Variants in TMED1 observed in about 807,000 individuals in gnomAD.
TMED1 encodes the protein transmembrane p24 trafficking protein 1.
TMED1 carries 20 observed loss-of-function variants against 21.2 expected under a neutral mutation model. That is an observed-to-expected ratio of 0.95 (90% CI 0.67 to 1.37). The LOEUF (loss-of-function observed/expected upper bound fraction) is 1.37. Among genes scored for constraint, TMED1 ranks in the 40% most tolerant of loss-of-function variants. TMED1 has a pLI of 0.00. For synonymous variants in TMED1, 149 were observed against 134.7 expected (o/e 1.11, Z -0.74); for missense variants, 316 against 309.8 (o/e 1.02, Z -0.15).
chr19:10,833,029 C>G lies in TMED1; in HGVS notation c.650G>C (p.Arg217Pro), dbSNP rs1224916773. Reference protein sequence around the residue: ...VAVLQVCTLKRFFQDKRPVPT With the variant: ...VAVLQVCTLKPFFQDKRPVPT ...CACCGGGCGCTTGTCCTGGAAGAAG[C>G]GCTTGAGCGTGCAGACCTGCAGCAC... Residue 217 changes from arginine to proline, a missense_variant, in exon 4 of 4, where the codon CGC (arginine) becomes CCC (proline). By Grantham distance (103) the Arg-to-Pro change is moderately radical. Coordinates refer to ENST00000214869, the MANE Select transcript of TMED1 (RefSeq NM_006858.4). 1.2e-6 allele frequency: 2 copies of G among 1,613,492 alleles called. No individual in the cohort carries two copies. The highest frequency in any genetic ancestry group is 1.3e-5 in the African/African-American group (1 of 74,942).
At chr19:10,835,975 G>A (rs1347017772) in intron 1 of TMED1, 34 bp downstream of exon 1, 3 of 1,544,474 alleles carry the variant, frequency 1.9e-6, no homozygotes, top group Non-Finnish European at 2.6e-6. Context: ...CCCTCTCCCT[G>A]ACTCTGCTGG....
At chr19:10,835,392 G>T (rs761402494) in intron 1 of TMED1, 39 bp from the exon 2 acceptor site, 3 of 1,610,384 alleles carry the variant, frequency 1.9e-6, no homozygotes, top group Non-Finnish European at 2.5e-6. Context: ...GCTAGCGGTA[G>T]GCCAAGGGCG....
chr19:10,836,007 AC>A lies in TMED1; in HGVS notation c.183+1del, dbSNP rs1162361052. On this transcript the variant is annotated splice_donor_variant, in intron 1 of 3. Transcript: ENST00000214869. LOFTEE classifies it high-confidence loss of function. The stretch of plus-strand genomic sequence containing the variant: ...CTGGCCGCCCAGCCCGCGACCCTCT[AC>A]CTGGTATTCGGTCTCGAGGCTTGCG... 5 of 1,586,568 alleles carry A rather than the reference AC, an allele frequency of 3.2e-6. No homozygotes were observed. Among genetic ancestry groups the A allele is most frequent in the Non-Finnish European group, 4.3e-6 (5 of 1,167,576 alleles).
rs1384390351 is a variant in TMED1 at position 10,832,722 on chromosome 19, G to A, written c.*273C>T. ...GGCTAAGGCACATTTACAGTAGAGGGGCCAGGAAATCCGAGGCTCACGTTC... is the reference window on the plus strand; with the variant it reads ...GGCTAAGGCACATTTACAGTAGAGGAGCCAGGAAATCCGAGGCTCACGTTC... On this transcript the variant is annotated 3_prime_UTR_variant, in exon 4 of 4. Transcript: ENST00000214869. 1 of 596,434 alleles carries A rather than the reference G, an allele frequency of 1.7e-6. No individual in the cohort carries two copies. Among genetic ancestry groups the A allele is most frequent in the Admixed American group, 3.0e-5 (1 of 33,730 alleles). The allele number at this position is 596,434 out of a possible 1,614,324, so 36.9% of individuals were successfully genotyped here. A position where few individuals can be genotyped will look rare whatever the true frequency, so the allele number is the denominator to read the frequency against.
chr19:10,834,900 T>G, intron 3 of TMED1, 34 bp downstream of exon 3: 1 of 1,600,504 alleles, frequency 6.2e-7, no homozygotes, highest in South Asian at 1.1e-5. Context: ...CCTAGAGATC[T>G]GGAAGGAGTG....
chr19:10,832,422 A>T lies in TMED1; in HGVS notation c.*573T>A, dbSNP rs576337322. On this transcript the variant is annotated 3_prime_UTR_variant, in exon 4 of 4. Coordinates refer to ENST00000214869, the MANE Select transcript of TMED1 (RefSeq NM_006858.4). ...GTCCTGGCTGGTGTCCCTGAGCCCC[A>T]ATCAGCAGGCTCTTGTGATTTTCTG... is the stretch of plus-strand genomic sequence containing the variant. 14 of 1,164,682 alleles carry T rather than the reference A, an allele frequency of 1.2e-5. No homozygotes were observed. The East Asian group carries it at 7.5e-4, about 62-fold the overall frequency. The allele number at this position is 1,164,682 out of a possible 1,614,324, so 72.1% of individuals were successfully genotyped here. A position where few individuals can be genotyped will look rare whatever the true frequency, so the allele number is the denominator to read the frequency against.
At chr19:10,835,688 T>G in intron 1 of TMED1, 1 of 1,396,386 alleles carries the variant, frequency 7.2e-7, no homozygotes, top group Non-Finnish European at 9.3e-7. Context: ...AAGGCCTGTG[T>G]GGGCAACGCC....
At position 10,833,229 on chromosome 19, in the gene TMED1, AGG is replaced by A; in HGVS notation, c.466-18_466-17del. 1 of 1,591,804 alleles carries A rather than the reference AGG, an allele frequency of 6.3e-7. No homozygotes were observed. The highest frequency in any genetic ancestry group is 1.5e-5 in the African/African-American group (1 of 66,206). ...CAATGGACTCCTACAGGGCAGCGGG[AGG>A]GGAAGGGTCAGGCCTCCCTCCACCC... On this transcript the variant is annotated splice_polypyrimidine_tract_variant and intron_variant, in intron 3 of 3. Coordinates refer to ENST00000214869, the MANE Select transcript of TMED1 (RefSeq NM_006858.4).
At position 10,834,869 on chromosome 19, in the gene TMED1, AG is replaced by A. The variant is rs527883398; in HGVS notation, c.465+64del. ...ACGGAGGGGAGGCTGGGTCAGCCCA[AG>A]GGGGGCACCCCAGGTGAATCCTAGA... On this transcript the variant is annotated intron_variant, in intron 3 of 3. Coordinates refer to ENST00000214869, the MANE Select transcript of TMED1 (RefSeq NM_006858.4). The A allele has an allele frequency of 7.0e-4, 1,098 of 1,562,396 alleles. 5 individuals carry two copies. In the African/African-American group the frequency reaches 0.013, roughly 19 times the overall value.
chr19:10,832,281 T>C lies in TMED1; in HGVS notation c.*714A>G, dbSNP rs1437616933. On this transcript the variant is annotated 3_prime_UTR_variant, in exon 4 of 4. Transcript: ENST00000214869. ...AACTGGGGCTCAGTTAAACTTTGCT[T>C]TCTGATTTTTCTCTTGTGCCAGGCG... The C allele has an allele frequency of 1.6e-6, 2 of 1,289,418 alleles. No homozygotes were observed. The highest frequency in any genetic ancestry group is 2.0e-6 in the Non-Finnish European group (2 of 988,754). The allele number at this position is 1,289,418 out of a possible 1,614,324, so 79.9% of individuals were successfully genotyped here.
At chr19:10,835,916 C>G (rs2073422408) in intron 1 of TMED1, 93 bp downstream of exon 1, 5 of 1,461,726 alleles carry the variant, frequency 3.4e-6, no homozygotes, top group Non-Finnish European at 4.5e-6. Flanking sequence ...GCACGGATTC[C>G]TCCCCCTTCC....
chr19:10,835,575 C>G (rs2073418680), intron 1 of TMED1: 1 of 1,431,220 alleles, frequency 7.0e-7, no homozygotes, highest in South Asian at 1.5e-5. Flanking sequence ...GACCACGCAC[C>G]TACCAAAAGT....
At position 10,834,801 on chromosome 19, in the gene TMED1, A is replaced by G. The variant is rs774904034; in HGVS notation, c.465+133T>C. On this transcript the variant is annotated intron_variant, in intron 3 of 3. Coordinates refer to ENST00000214869, the MANE Select transcript of TMED1 (RefSeq NM_006858.4). ...CGGCCTGAAATGAACTACTTATTTTAAGAGCTGCTACTCTTACTATAATTC... is the reference window on the plus strand; with the variant it reads ...CGGCCTGAAATGAACTACTTATTTTGAGAGCTGCTACTCTTACTATAATTC... 5.9e-5 allele frequency: 65 copies of G among 1,098,136 alleles called. No homozygotes were observed. In the South Asian group the frequency reaches 7.6e-4, roughly 13 times the overall value. 68.0% of individuals were successfully genotyped at this position (1,098,136 alleles called of 1,614,324 possible).
At chr19:10,835,678 A>C (rs2073419831) in intron 1 of TMED1, 1 of 1,397,162 alleles carries the variant, frequency 7.2e-7, no homozygotes, top group Non-Finnish European at 9.3e-7. Flanking sequence ...ACCCCCGAGA[A>C]AGGCCTGTGT....
chr19:10,836,050 G>C lies in TMED1; in HGVS notation c.142C>G (p.Gln48Glu), dbSNP rs750562899. The change falls in exon 1 of 4, where the codon CAG (glutamine) becomes GAG (glutamate). Residue 48 changes from glutamine to glutamate, a missense_variant. Transcript: ENST00000214869. The part of the protein sequence containing the change: ...LPAGRKQCFY[Q>E]SAPANASLET... ...AGGCTTGCGTTGGCCGGCGCGGACT[G>C]GTAGAAACACTGCTTCCTCCCCGCC... The C allele has an allele frequency of 6.3e-7, 1 of 1,597,256 alleles. No homozygotes were observed. Among genetic ancestry groups the C allele is most frequent in the Non-Finnish European group, 8.5e-7 (1 of 1,172,550 alleles).
chr19:10,835,903 C>T, intron 1 of TMED1, 106 bp downstream of exon 1: 1 of 1,448,850 alleles, frequency 6.9e-7, no homozygotes, highest in Non-Finnish European at 9.1e-7. Context: ...CCCGCGCTCC[C>T]AAGCACGGAT....
chr19:10,833,127 G>A lies in TMED1; in HGVS notation c.552C>T (p.Asn184=), dbSNP rs535544657. ...CCCGCTCCAAGTTGCCCTCTTGCAG[G>A]TTGCGGTCACGTGCCTCGAAGGCCC... The part of the protein sequence containing the change: ...LLRAFEARDR[N]LQEGNLERVN... The change falls in exon 4 of 4, where the codon AAC becomes AAT. Residue 184 remains asparagine, a synonymous_variant. Coordinates refer to ENST00000214869, the MANE Select transcript of TMED1 (RefSeq NM_006858.4). 2.7e-5 allele frequency: 43 copies of A among 1,614,076 alleles called. 2 individuals are homozygous for A. In the South Asian group the frequency reaches 4.1e-4, roughly 15 times the overall value.
rs1599650158 is a variant in TMED1 at position 10,836,152 on chromosome 19, G to A, written c.40C>T (p.Leu14=). The change falls in exon 1 of 4, where the codon CTA becomes TTA. Residue 14 remains leucine (L), a synonymous_variant. Coordinates refer to ENST00000214869, the MANE Select transcript of TMED1 (RefSeq NM_006858.4). ...AGAALALALW[L]LMPPVEVGGA... ...CCCACCTCCACTGGTGGCATTAGTAGCCACAAGGCCAGGGCTAGGGCCGCG... is the reference window on the plus strand; with the variant it reads ...CCCACCTCCACTGGTGGCATTAGTAACCACAAGGCCAGGGCTAGGGCCGCG... 1 of 1,565,324 alleles carries A rather than the reference G, an allele frequency of 6.4e-7. No homozygotes were observed. Among genetic ancestry groups the A allele is most frequent in the Non-Finnish European group, 8.6e-7 (1 of 1,156,542 alleles).
At chr19:10,834,454 C>CT (rs769963664) in intron 3 of TMED1, among the ~76,000 whole-genome samples, 9,449 of 119,622 alleles carry the variant, frequency 0.079, 545 homozygotes, top group Non-Finnish European at 0.1. Context: ...AAATGAACTA[C>CT]TTTTTTTTTT....
Sources: gnomAD v4.1 joint callset for allele counts (sites outside exome capture counted in the v4.1 genomes callset) on GRCh38, gnomAD v4.1.1 for gene constraint, MANE v1.5 for transcripts, NCBI Gene and HGNC (gene_info 2026-07-23, HGNC 2026-07-21) for gene names.